The following CALN1 variants were observed in gnomAD, a reference collection of about 807,000 sequenced individuals.
CALN1 encodes calcium-binding protein 8.
CALN1 carries 17 observed loss-of-function variants against 30.6 expected under a neutral mutation model. The observed-to-expected ratio is 0.56, with a 90% CI of 0.38 to 0.83. The LOEUF (loss-of-function observed/expected upper bound fraction) is 0.83. Among genes scored for constraint, CALN1 ranks in the 40% least tolerant of loss-of-function variants. CALN1 has a pLI of 0.00. For synonymous variants in CALN1, 156 were observed against 131.4 expected (o/e 1.19, Z -1.28); for missense variants, 291 against 354.9 (o/e 0.82, Z 1.45).
intron 4 of CALN1, among the ~76,000 whole-genome samples, chr7:72,044,061 AC>A (rs1364745391): frequency 9.9e-5 from 15 of 151,438 alleles, no homozygotes; most frequent in Non-Finnish European, 1.9e-4. Context: ...ATTACCTCCC[AC>A]CGGGTCCCTC....
intron 3 of CALN1, among the ~76,000 whole-genome samples, chr7:72,151,169 G>A (rs115887992): frequency 0.013 from 1,952 of 152,160 alleles, 43 homozygotes; most frequent in African/African-American, 0.044. Flanking sequence ...CTGTTCTGGG[G>A]GCTAGAATTT....
chr7:71,860,599 G>C (rs1385214356), intron 5 of CALN1, among the ~76,000 whole-genome samples: 3 of 152,088 alleles, frequency 2.0e-5, no homozygotes, highest in Non-Finnish European at 4.4e-5. Context: ...CTCTCTTGGG[G>C]GCTGAATCAG....
intron 2 of CALN1, among the ~76,000 whole-genome samples, chr7:72,373,732 C>A (rs999492114): frequency 6.6e-6 from 1 of 152,172 alleles, no homozygotes; most frequent in Non-Finnish European, 1.5e-5. Flanking sequence ...CATCATAAGT[C>A]AAGAAGCGTC....
chr7:72,130,417 GAAGA>G (rs1044161742), intron 3 of CALN1, among the ~76,000 whole-genome samples: 2 of 152,172 alleles, frequency 1.3e-5, no homozygotes, highest in African/African-American at 4.8e-5. Flanking sequence ...ATGAAAAAAA[GAAGA>G]AAGACTAGAC....
At chr7:71,845,980 G>C (rs1219960472) in intron 5 of CALN1, among the ~76,000 whole-genome samples, 2 of 152,150 alleles carry the variant, frequency 1.3e-5, no homozygotes, top group Non-Finnish European at 2.9e-5. Context: ...TTGAACCTGG[G>C]AGGCGGAGGT....
chr7:71,948,744 AT>A (rs67566822), intron 5 of CALN1, among the ~76,000 whole-genome samples: 37,458 of 139,986 alleles, frequency 0.27, 5,661 homozygotes, highest in Admixed American at 0.34. Context: ...AAAAAAAAAA[AT>A]AATAATTTGT....
intron 3 of CALN1, among the ~76,000 whole-genome samples, chr7:72,132,980 C>T (rs959342689): frequency 1.3e-5 from 2 of 152,088 alleles, no homozygotes; most frequent in Non-Finnish European, 2.9e-5. Flanking sequence ...CTATTGCGAA[C>T]TACACAAGCT....
chr7:72,036,309 C>T (rs1349116948), intron 4 of CALN1, among the ~76,000 whole-genome samples: 2 of 152,172 alleles, frequency 1.3e-5, no homozygotes, highest in Admixed American at 6.5e-5. Context: ...GATAATGTGT[C>T]TTGCTGTGGG....
intron 5 of CALN1, among the ~76,000 whole-genome samples, chr7:71,994,973 C>T (rs1378926024): frequency 6.6e-6 from 1 of 152,050 alleles, no homozygotes; most frequent in Admixed American, 6.6e-5. Flanking sequence ...CTGCCTCAGC[C>T]TCCTGAGTAG....
intron 3 of CALN1, among the ~76,000 whole-genome samples, chr7:72,201,156 T>G (rs1791386943): frequency 6.6e-6 from 1 of 152,190 alleles, no homozygotes; most frequent in African/African-American, 2.4e-5. Flanking sequence ...GCCATTATCC[T>G]AAGTGAATTA....
intron 4 of CALN1, among the ~76,000 whole-genome samples, chr7:72,099,672 G>T (rs999752772): frequency 1.6e-4 from 25 of 151,952 alleles, no homozygotes; most frequent in Non-Finnish European, 2.9e-4. Context: ...AAATTTTTGT[G>T]GCAGCAATAC....
intron 3 of CALN1, among the ~76,000 whole-genome samples, chr7:72,149,455 A>AG (rs1787046631): frequency 6.6e-6 from 1 of 152,162 alleles, no homozygotes; most frequent in Non-Finnish European, 1.5e-5. Flanking sequence ...TGACAGAGTG[A>AG]GACTGTGTCT....
chr7:72,350,328 T>C (rs957637642), intron 2 of CALN1, among the ~76,000 whole-genome samples: 2 of 152,192 alleles, frequency 1.3e-5, no homozygotes, highest in African/African-American at 4.8e-5. Context: ...GTCCTTTGCA[T>C]ACATGTGTTC....
chr7:71,917,609 T>C (rs1794744025), intron 5 of CALN1, among the ~76,000 whole-genome samples: 1 of 152,148 alleles, frequency 6.6e-6, no homozygotes. Context: ...CTTACAATCA[T>C]GGCGGAAGGC....
chr7:72,367,052 T>C (rs1186528267), intron 2 of CALN1, among the ~76,000 whole-genome samples: 1 of 144,682 alleles, frequency 6.9e-6, no homozygotes, highest in Non-Finnish European at 1.5e-5. Context: ...AAATATAATG[T>C]TGAGTCAAAG....
intron 2 of CALN1, among the ~76,000 whole-genome samples, chr7:72,287,067 G>C (rs558434919): frequency 3.3e-5 from 5 of 152,240 alleles, no homozygotes; most frequent in African/African-American, 4.8e-5. Context: ...AGGCAATGAA[G>C]AGTATTTCAA....
At chr7:72,305,107 C>A (rs1052186031) in intron 2 of CALN1, among the ~76,000 whole-genome samples, 1 of 152,156 alleles carries the variant, frequency 6.6e-6, no homozygotes, top group Non-Finnish European at 1.5e-5. Context: ...CCTTTAAGGG[C>A]CCGTGTTAAC....
intron 3 of CALN1, among the ~76,000 whole-genome samples, chr7:72,113,101 T>C (rs1807693615): frequency 6.6e-6 from 1 of 152,144 alleles, no homozygotes; most frequent in Admixed American, 6.5e-5. Flanking sequence ...TTGGATGTTT[T>C]TTCCCCAAAA....
chr7:72,146,429 C>T (rs1455737710), intron 3 of CALN1, among the ~76,000 whole-genome samples: 2 of 152,094 alleles, frequency 1.3e-5, no homozygotes, highest in African/African-American at 4.8e-5. Flanking sequence ...AAGACCTCTT[C>T]AAGGAGAACT....
Sources: allele counts gnomAD v4.1 joint callset (sites outside exome capture counted in the v4.1 genomes callset), GRCh38; gene constraint gnomAD v4.1.1; transcripts MANE v1.5; gene names NCBI Gene and HGNC (gene_info 2026-07-23, HGNC 2026-07-21).